Variants in AGAP1 observed in about 807,000 individuals in gnomAD.
AGAP1 encodes the protein ArfGAP with GTPase domain, ankyrin repeat and PH domain 1.
In AGAP1, 29 loss-of-function variants were observed where a neutral mutation model predicts 105.3. The ratio of observed to expected loss-of-function variants is 0.28; its 90% CI spans 0.21 to 0.38. The LOEUF (loss-of-function observed/expected upper bound fraction) is 0.38, where lower values mean the gene tolerates loss of function less well. Among genes scored for constraint, AGAP1 ranks in the 10% least tolerant of loss-of-function variants. The pLI is 1.00. For synonymous variants in AGAP1, 509 were observed against 485.9 expected (o/e 1.05, Z -0.63); for missense variants, 998 against 1,165.1 (o/e 0.86, Z 2.09).
rs2057698924 is a variant in AGAP1, at chr2:236,045,802, C to T, written c.1892-3257C>T. ...GTGATGCTTAGATACCAACCCTTGC[C>T]GATGAGTCATTCTCTGCTGGAGCGG... On this transcript the variant is annotated intron_variant, in intron 15 of 17. Transcript: ENST00000304032. The surrounding 1 kb of genome is among the most constrained non-coding windows in gnomAD (Gnocchi z 6.9). 2 of 386,152 alleles carry T rather than the reference C, an allele frequency of 5.2e-6. No individual in the cohort carries two copies. Among genetic ancestry groups the T allele is most frequent in the South Asian group, 1.9e-5 (1 of 52,270 alleles). The allele number at this position is 386,152 out of a possible 1,614,324, so 23.9% of individuals were successfully genotyped here.
intron 1 of AGAP1, among the ~76,000 whole-genome samples, chr2:235,637,511 G>A (rs2149299766): frequency 6.6e-6 from 1 of 151,918 alleles, no homozygotes; most frequent in South Asian, 2.1e-4. Context: ...TGAACTCCTG[G>A]ACTCAAGCTA....
intron 6 of AGAP1, among the ~76,000 whole-genome samples, chr2:235,790,112 A>G (rs1956884623): frequency 6.6e-6 from 1 of 152,172 alleles, no homozygotes; most frequent in Non-Finnish European, 1.5e-5. Flanking sequence ...TAGTGGCAAA[A>G]AAAATGATGA....
chr2:235,638,470 A>G (rs1947084703), intron 1 of AGAP1, among the ~76,000 whole-genome samples: 1 of 152,268 alleles, frequency 6.6e-6, no homozygotes, highest in African/African-American at 2.4e-5. Context: ...ACTAGTTAAA[A>G]TAAACATCAC....
rs1006412642 is a variant in AGAP1, at chr2:235,982,225, C to T, written c.1645+13602C>T. Among the ~76,000 whole-genome samples the T allele has an allele frequency of 1.1e-4, 17 of 152,316 alleles. No individual in the cohort carries two copies. The highest frequency in any genetic ancestry group is 4.1e-4 in the African/African-American group (17 of 41,570). The stretch of plus-strand genomic sequence containing the variant: ...CCTGGACAAGTAAATCCATTTCTCA[C>T]ATTTAAAGAGAATCAAAGAGTCAGT... On this transcript the variant is annotated intron_variant, in intron 13 of 17. Coordinates refer to ENST00000304032, the MANE Select transcript of AGAP1 (RefSeq NM_001037131.3). The surrounding 1 kb of genome is among the most constrained non-coding windows in gnomAD (Gnocchi z 4.9).
At chr2:235,661,871 G>A (rs529515817) in intron 1 of AGAP1, among the ~76,000 whole-genome samples, 2 of 152,174 alleles carry the variant, frequency 1.3e-5, no homozygotes, top group South Asian at 2.1e-4. Flanking sequence ...AGAAGGAGGC[G>A]CCAGGAGGCA....
At position 236,104,581 on chromosome 2, in the gene AGAP1, A is replaced by C. The variant is rs555100543; in HGVS notation, c.2115-15611A>C. ...GCCCTCTGGCCTCTTAGAGAATCCA[A>C]CTTGGGTTACAAAGACAAGCGTGCA... On this transcript the variant is annotated intron_variant, in intron 16 of 17. Coordinates refer to ENST00000304032, the MANE Select transcript of AGAP1 (RefSeq NM_001037131.3). The surrounding 1 kb of genome is among the most constrained non-coding windows in gnomAD (Gnocchi z 4.7). 2.0e-5 allele frequency among the ~76,000 whole-genome samples: 3 copies of C among 152,246 alleles called. No homozygotes were observed. In the South Asian group the frequency reaches 6.2e-4, roughly 32 times the overall value.
At chr2:235,661,124 G>A (rs1235395673) in intron 1 of AGAP1, among the ~76,000 whole-genome samples, 3 of 152,102 alleles carry the variant, frequency 2.0e-5, no homozygotes, top group African/African-American at 2.4e-5. Context: ...CAGCAAGGAC[G>A]TGTGTGCTGT....
At position 235,666,316 on chromosome 2, in the gene AGAP1, A is replaced by G. The variant is rs930181658; in HGVS notation, c.164-42863A>G. 3.3e-5 allele frequency among the ~76,000 whole-genome samples: 5 copies of G among 152,312 alleles called. No individual in the cohort carries two copies. The East Asian group carries it at 9.7e-4, about 29-fold the overall frequency. On this transcript the variant is annotated intron_variant, in intron 1 of 17. Coordinates refer to ENST00000304032, the MANE Select transcript of AGAP1 (RefSeq NM_001037131.3). ...GAAAATAAAGCATAATGCCACCTGA[A>G]CATATATAGTATTGTGATTTTTTTT...
intron 12 of AGAP1, among the ~76,000 whole-genome samples, chr2:235,940,887 G>A (rs1676861679): frequency 6.6e-6 from 1 of 152,134 alleles, no homozygotes; most frequent in Non-Finnish European, 1.5e-5. Flanking sequence ...TCATTGCACG[G>A]TAATATGCTG....
At position 235,799,556 on chromosome 2, in the gene AGAP1, G is replaced by T. The variant is rs559839614; in HGVS notation, c.957+34G>T. 6.2e-6 allele frequency: 10 copies of T among 1,606,498 alleles called. No individual in the cohort carries two copies. The African/African-American group carries it at 8.0e-5, about 13-fold the overall frequency. Reference sequence around the variant, plus strand: ...CAACCCTGGGTGGAGATTTGAATGCGATTCCGAAGCGTTCCCATTAACGTA... The same window carrying T: ...CAACCCTGGGTGGAGATTTGAATGCTATTCCGAAGCGTTCCCATTAACGTA... On this transcript the variant is annotated intron_variant, in intron 8 of 17. Transcript: ENST00000304032. The surrounding 1 kb of genome is among the most constrained non-coding windows in gnomAD (Gnocchi z 5.0).
In AGAP1 at chr2:236,095,776, T is replaced by C. The variant is rs1168746348; in HGVS notation, c.2115-24416T>C. On this transcript the variant is annotated intron_variant, in intron 16 of 17. Transcript: ENST00000304032. This position sits in a 1 kb window ranked among gnomAD's most constrained non-coding sequence, Gnocchi z 4.1. ...GAAGTATATTAGTTCAGGGCTAGAT[T>C]ATGGATAGTTGCACAGAGATAGTCC... 1.3e-5 allele frequency among the ~76,000 whole-genome samples: 2 copies of C among 152,222 alleles called. No individual in the cohort carries two copies. Among genetic ancestry groups the C allele is most frequent in the Non-Finnish European group, 2.9e-5 (2 of 68,042 alleles).
chr2:235,937,230 C>A (rs902551959), intron 12 of AGAP1, among the ~76,000 whole-genome samples: 1 of 152,202 alleles, frequency 6.6e-6, no homozygotes, highest in Non-Finnish European at 1.5e-5. Flanking sequence ...GAGGGCTGCT[C>A]GGCTCGCCAG....
rs2059177247 is a variant in AGAP1, at chr2:236,095,774, A to G, written c.2115-24418A>G. 6.6e-6 allele frequency among the ~76,000 whole-genome samples: 1 copy of G among 152,246 alleles called. No individual in the cohort carries two copies. The highest frequency in any genetic ancestry group is 2.4e-5 in the African/African-American group (1 of 41,468). ...AAGAAGTATATTAGTTCAGGGCTAG[A>G]TTATGGATAGTTGCACAGAGATAGT... On this transcript the variant is annotated intron_variant, in intron 16 of 17. Coordinates refer to ENST00000304032, the MANE Select transcript of AGAP1 (RefSeq NM_001037131.3). The surrounding 1 kb of genome is among the most constrained non-coding windows in gnomAD (Gnocchi z 4.1).
rs1022987321 is a variant in AGAP1, at chr2:235,747,103, C to G, written c.538+2264C>G. On this transcript the variant is annotated intron_variant, in intron 5 of 17. Coordinates refer to ENST00000304032, the MANE Select transcript of AGAP1 (RefSeq NM_001037131.3). The surrounding 1 kb of genome is among the most constrained non-coding windows in gnomAD (Gnocchi z 5.0). ...CATCTTAACAATGGCTGCTTTTGTT[C>G]CTCATATTTCAATCTGCGACCAGTG... Among the ~76,000 whole-genome samples the G allele has an allele frequency of 6.6e-6, 1 of 151,994 alleles. No homozygotes were observed. The highest frequency in any genetic ancestry group is 2.4e-5 in the African/African-American group (1 of 41,374).
Position 235,958,014 on chromosome 2 carries a change from A to G in AGAP1, c.1484-10448A>G, listed in dbSNP as rs879694004. Among the ~76,000 whole-genome samples the G allele has an allele frequency of 1.1e-4, 17 of 152,236 alleles. No homozygotes were observed. The highest frequency in any genetic ancestry group is 2.5e-4 in the Non-Finnish European group (17 of 68,040). On this transcript the variant is annotated intron_variant, in intron 12 of 17. Coordinates refer to ENST00000304032, the MANE Select transcript of AGAP1 (RefSeq NM_001037131.3). This position sits in a 1 kb window ranked among gnomAD's most constrained non-coding sequence, Gnocchi z 4.1. ...GTCAGCAGGGGCAGGGGGCCGATACATACGTGCTTAGCATTTTCCTCTCTC... is the reference window on the plus strand; with the variant it reads ...GTCAGCAGGGGCAGGGGGCCGATACGTACGTGCTTAGCATTTTCCTCTCTC...
rs1322565005 is a variant in AGAP1, at chr2:235,494,641, G to C, written c.-46G>C. 4.1e-6 allele frequency: 4 copies of C among 967,318 alleles called. No homozygotes were observed. The South Asian group carries it at 1.8e-4, about 43-fold the overall frequency. 59.9% of individuals were successfully genotyped at this position (967,318 alleles called of 1,614,324 possible). The stretch of plus-strand genomic sequence containing the variant: ...CGGCCCGCGGGCCCCGGGGCGCGGG[G>C]CGGCGGCGGCGGGGGGCGCGCGGCT... On this transcript the variant is annotated 5_prime_UTR_variant, in exon 1 of 18. Transcript: ENST00000304032.
rs11903044 is a variant in AGAP1, at chr2:235,874,570, A to G, written c.1051-8775A>G. Among the ~76,000 whole-genome samples, 952 of 152,328 alleles carry G rather than the reference A, an allele frequency of 6.2e-3. 10 individuals carry two copies. The highest frequency in any genetic ancestry group is 0.022 in the African/African-American group (907 of 41,588). ...GGAGCTAAGAGGCTCGGCTGCTAACAGCAGACGGGTTTGGGTGGGACTGGA... is the reference window on the plus strand; with the variant it reads ...GGAGCTAAGAGGCTCGGCTGCTAACGGCAGACGGGTTTGGGTGGGACTGGA... On this transcript the variant is annotated intron_variant, in intron 9 of 17. Coordinates refer to ENST00000304032, the MANE Select transcript of AGAP1 (RefSeq NM_001037131.3). This position sits in a 1 kb window ranked among gnomAD's most constrained non-coding sequence, Gnocchi z 4.5.
rs1374692658 is a variant in AGAP1, at chr2:235,633,074, C to A, written c.164-76105C>A. On this transcript the variant is annotated intron_variant, in intron 1 of 17. Coordinates refer to ENST00000304032, the MANE Select transcript of AGAP1 (RefSeq NM_001037131.3). This position sits in a 1 kb window ranked among gnomAD's most constrained non-coding sequence, Gnocchi z 4.8. ...GTTCTGCTTTTGCTTGAACTTCTAG[C>A]GGCAGAAAGGGGGTGATCCCTTTCT... Among the ~76,000 whole-genome samples, 1 of 152,004 alleles carries A rather than the reference C, an allele frequency of 6.6e-6. No individual in the cohort carries two copies. The highest frequency in any genetic ancestry group is 1.5e-5 in the Non-Finnish European group (1 of 68,002).
intron 11 of AGAP1, among the ~76,000 whole-genome samples, chr2:235,917,817 C>T (rs1297939862): frequency 2.0e-5 from 3 of 152,120 alleles, no homozygotes; most frequent in Non-Finnish European, 4.4e-5. Context: ...AGCTCATTGG[C>T]GGTACTTAAG....
Sources: gnomAD v4.1 joint callset for allele counts (sites outside exome capture counted in the v4.1 genomes callset) on GRCh38, gnomAD v4.1.1 for gene constraint, Gnocchi (gnomAD v3.1) non-coding constraint, MANE v1.5 for transcripts, NCBI Gene and HGNC (gene_info 2026-07-23, HGNC 2026-07-21) for gene names.